The following WDR25 variants were observed in gnomAD, a reference collection of about 807,000 sequenced individuals.
WDR25 encodes WD repeat-containing protein 25.
A neutral mutation model predicts 47.7 loss-of-function variants in WDR25; 35 were observed. The ratio of observed to expected loss-of-function variants is 0.73; its 90% CI spans 0.56 to 0.97. The LOEUF (loss-of-function observed/expected upper bound fraction) is 0.97. Among genes scored for constraint, WDR25 ranks in the 50% least tolerant of loss-of-function variants. The pLI, the probability that WDR25 is intolerant of heterozygous loss-of-function variation, is 0.00. For synonymous variants in WDR25, 248 were observed against 278.9 expected (o/e 0.89, Z 1.10); for missense variants, 634 against 704.7 (o/e 0.90, Z 1.14).
intron 2 of WDR25, among the ~76,000 whole-genome samples, chr14:100,405,649 A>G (rs1269776283): frequency 6.6e-6 from 1 of 152,260 alleles, no homozygotes; most frequent in Non-Finnish European, 1.5e-5. Context: ...TAACAGAAAC[A>G]TGCAAGGGCA....
At position 100,428,174 on chromosome 14, in the gene WDR25, G is replaced by A. The variant is rs1898223492; in HGVS notation, c.823-39847G>A. 6.6e-6 allele frequency among the ~76,000 whole-genome samples: 1 copy of A among 152,238 alleles called. No individual in the cohort carries two copies. Among genetic ancestry groups the A allele is most frequent in the Non-Finnish European group, 1.5e-5 (1 of 68,050 alleles). The stretch of plus-strand genomic sequence containing the variant: ...ACGTTTGTCGTGTGCTCCGACCGAA[G>A]CGTTGGCACTGACCCGTCTAGAATT... On this transcript the variant is annotated intron_variant, in intron 2 of 6. Transcript: ENST00000402312. The surrounding 1 kb of genome is among the most constrained non-coding windows in gnomAD (Gnocchi z 4.3).
chr14:100,413,619 T>A (rs924350856), intron 2 of WDR25, among the ~76,000 whole-genome samples: 1 of 152,040 alleles, frequency 6.6e-6, no homozygotes, highest in African/African-American at 2.4e-5. Context: ...TTCACCGTGT[T>A]AGCCAGGATG....
intron 2 of WDR25, among the ~76,000 whole-genome samples, chr14:100,465,833 A>C (rs545840148): frequency 2.6e-5 from 4 of 152,374 alleles, no homozygotes; most frequent in Admixed American, 1.3e-4. Flanking sequence ...AGCAGTGGAC[A>C]AGGGTTCCAG....
At chr14:100,520,053 T>G (rs1901662989) in intron 4 of WDR25, among the ~76,000 whole-genome samples, 2 of 139,986 alleles carry the variant, frequency 1.4e-5, no homozygotes, top group Non-Finnish European at 3.0e-5. Context: ...TACATATATA[T>G]GTACATATGT....
At chr14:100,479,687 C>T (rs967523870) in intron 3 of WDR25, among the ~76,000 whole-genome samples, 4 of 152,162 alleles carry the variant, frequency 2.6e-5, no homozygotes, top group Non-Finnish European at 4.4e-5. Context: ...AATCTCTTCC[C>T]AGTCTTTGTC....
chr14:100,385,854 T>C (rs1049589868), intron 2 of WDR25, among the ~76,000 whole-genome samples: 1 of 152,134 alleles, frequency 6.6e-6, no homozygotes. Context: ...TGATGCCTTT[T>C]TTTGAAGGAA....
At chr14:100,469,983 C>G (rs1212444517) in intron 3 of WDR25, among the ~76,000 whole-genome samples, 1 of 152,208 alleles carries the variant, frequency 6.6e-6, no homozygotes, top group Admixed American at 6.5e-5. Context: ...AAGCTCCTGT[C>G]TGCTGGAGAA....
Position 100,506,487 on chromosome 14 carries a change from A to G in WDR25, c.1102-19383A>G, listed in dbSNP as rs1252190127. On this transcript the variant is annotated intron_variant, in intron 4 of 6. Transcript: ENST00000402312. The surrounding 1 kb of genome is among the most constrained non-coding windows in gnomAD (Gnocchi z 4.8). ...GTTTTATGTTCTTTGAGAAACCTCC[A>G]AACTGCTTTCCACAATGGCTGAAAT... is the stretch of plus-strand genomic sequence containing the variant. 6.6e-6 allele frequency among the ~76,000 whole-genome samples: 1 copy of G among 152,228 alleles called. No homozygotes were observed. The highest frequency in any genetic ancestry group is 1.9e-4 in the East Asian group (1 of 5,204).
At chr14:100,495,836 G>A (rs530999349) in intron 4 of WDR25, among the ~76,000 whole-genome samples, 9 of 152,142 alleles carry the variant, frequency 5.9e-5, no homozygotes, top group Non-Finnish European at 1.0e-4. Flanking sequence ...ATATTCCATT[G>A]TATGGATATA....
chr14:100,421,739 A>G (rs1473044979), intron 2 of WDR25, among the ~76,000 whole-genome samples: 1 of 152,160 alleles, frequency 6.6e-6, no homozygotes, highest in East Asian at 1.9e-4. Flanking sequence ...TTTCCTGCAT[A>G]TGTTATGAAT....
At chr14:100,458,525 T>C (rs1359436266) in intron 2 of WDR25, among the ~76,000 whole-genome samples, 1 of 152,148 alleles carries the variant, frequency 6.6e-6, no homozygotes. Context: ...TCAGTTAAGA[T>C]TTATAAGACT....
At chr14:100,518,809 G>A (rs111361961) in intron 4 of WDR25, among the ~76,000 whole-genome samples, 2,772 of 151,766 alleles carry the variant, frequency 0.018, 84 homozygotes, top group African/African-American at 0.054. Context: ...CAGAAGAATC[G>A]CTTGAACCTG....
At position 100,529,750 on chromosome 14, in the gene WDR25, C is replaced by T; in HGVS notation, c.1414-70C>T. 6.6e-7 allele frequency: 1 copy of T among 1,520,636 alleles called. No individual in the cohort carries two copies. Among genetic ancestry groups the T allele is most frequent in the Non-Finnish European group, 8.9e-7 (1 of 1,122,038 alleles). The allele number at this position is 1,520,636 out of a possible 1,614,324, so 94.2% of individuals were successfully genotyped here. On this transcript the variant is annotated intron_variant, in intron 6 of 6. Coordinates refer to ENST00000402312, the MANE Select transcript of WDR25 (RefSeq NM_001161476.3). The surrounding 1 kb of genome is among the most constrained non-coding windows in gnomAD (Gnocchi z 5.1). ...CAGCTCGGGGCTTCAGCCTGCTCCT[C>T]TGTAGAATGGGCATACTCACCCCGG... is the stretch of plus-strand genomic sequence containing the variant.
At chr14:100,489,880 A>C (rs950584335) in intron 4 of WDR25, among the ~76,000 whole-genome samples, 1 of 152,168 alleles carries the variant, frequency 6.6e-6, no homozygotes, top group Non-Finnish European at 1.5e-5. Flanking sequence ...CTCATGATAA[A>C]ACCAGCTCTG....
intron 2 of WDR25, 67 bp from the exon 3 acceptor site, chr14:100,467,946 TACAGTGGG>T: frequency 6.3e-7 from 1 of 1,584,516 alleles, no homozygotes; most frequent in Non-Finnish European, 8.6e-7. Context: ...TTTTTCTTTC[TACAGTGGG>T]GTCGAGCTGA....
intron 2 of WDR25, among the ~76,000 whole-genome samples, chr14:100,453,677 C>A (rs1014903893): frequency 2.0e-5 from 3 of 151,922 alleles, no homozygotes; most frequent in African/African-American, 7.2e-5. Context: ...AGGCTCTGCA[C>A]CTGCTGGGGG....
chr14:100,392,584 C>T lies in WDR25; in HGVS notation c.822+10838C>T, dbSNP rs373853332. On this transcript the variant is annotated intron_variant, in intron 2 of 6. Transcript: ENST00000402312. The surrounding 1 kb of genome is among the most constrained non-coding windows in gnomAD (Gnocchi z 4.2). ...CCCTCCCATCCATTTCTGGTCCATA[C>T]GGGCTGTGTTTGTCAGAGTGTGCGT... Among the ~76,000 whole-genome samples, 2 of 152,050 alleles carry T rather than the reference C, an allele frequency of 1.3e-5. No homozygotes were observed. The highest frequency in any genetic ancestry group is 2.1e-4 in the South Asian group (1 of 4,822).
chr14:100,386,273 T>G (rs1255691982), intron 2 of WDR25, among the ~76,000 whole-genome samples: 2 of 152,178 alleles, frequency 1.3e-5, no homozygotes, highest in African/African-American at 2.4e-5. Flanking sequence ...CAACCCCAAG[T>G]CAGTGCCTCA....
intron 2 of WDR25, among the ~76,000 whole-genome samples, chr14:100,422,714 C>T (rs1014694256): frequency 2.6e-5 from 4 of 152,200 alleles, no homozygotes; most frequent in African/African-American, 9.6e-5. Flanking sequence ...TCTTCACACC[C>T]TCTCCATCAT....
Sources: allele counts gnomAD v4.1 joint callset (sites outside exome capture counted in the v4.1 genomes callset), GRCh38; gene constraint gnomAD v4.1.1; non-coding constraint Gnocchi (gnomAD v3.1); transcripts MANE v1.5; gene names NCBI Gene and HGNC (gene_info 2026-07-23, HGNC 2026-07-21).